Variants in TANC1 observed in about 807,000 individuals in gnomAD.
TANC1 encodes tetratricopeptide repeat, ankyrin repeat and coiled-coil containing 1.
A neutral mutation model predicts 149.7 loss-of-function variants in TANC1; 77 were observed. The ratio of observed to expected loss-of-function variants is 0.51; its 90% CI spans 0.43 to 0.62. The LOEUF is 0.62. TANC1 is among the 20% of genes least tolerant of loss of function. The probability of loss-of-function intolerance (pLI) is 0.00; values close to 1 mark genes in which losing one functional copy is unlikely to be tolerated. For synonymous variants in TANC1, 854 were observed against 925.0 expected, an observed-to-expected ratio of 0.92 and a Z score of 1.39; for missense variants, 1,985 against 2,321.8, an observed-to-expected ratio of 0.85 and a Z score of 2.98.
intron 5 of TANC1, among the ~76,000 whole-genome samples, chr2:159,146,934 TAAAA>T (rs34335455): frequency 1.3e-5 from 2 of 148,414 alleles, no homozygotes; most frequent in African/African-American, 2.5e-5. Context: ...GTTTTTGGAT[TAAAA>T]AAAAAAAATG....
At chr2:159,203,083 T>C (rs558358340) in intron 19 of TANC1, among the ~76,000 whole-genome samples, 5 of 152,180 alleles carry the variant, frequency 3.3e-5, no homozygotes, top group Non-Finnish European at 7.3e-5. Flanking sequence ...GCTCCAGCAC[T>C]TGCCATTCAG....
chr2:159,055,567 A>G (rs1478294858), intron 2 of TANC1, among the ~76,000 whole-genome samples: 4 of 152,200 alleles, frequency 2.6e-5, no homozygotes, highest in Non-Finnish European at 5.9e-5. Flanking sequence ...GAATTGTTCC[A>G]CATCCAAATT....
At chr2:158,976,187 A>G (rs1177871622) in intron 1 of TANC1, among the ~76,000 whole-genome samples, 2 of 152,194 alleles carry the variant, frequency 1.3e-5, no homozygotes, top group African/African-American at 4.8e-5. Flanking sequence ...AGATCATCCA[A>G]TATGGGAGGG....
At chr2:159,033,780 ACAT>A (rs2039968058) in intron 2 of TANC1, among the ~76,000 whole-genome samples, 1 of 152,144 alleles carries the variant, frequency 6.6e-6, no homozygotes, top group East Asian at 1.9e-4. Flanking sequence ...ACATCTGAAA[ACAT>A]CATGATGCTC....
intron 1 of TANC1, among the ~76,000 whole-genome samples, chr2:158,994,270 T>A (rs1431336937): frequency 6.6e-6 from 1 of 152,178 alleles, no homozygotes; most frequent in East Asian, 1.9e-4. Context: ...TTTATTTTAC[T>A]ATTTTTTCTT....
At chr2:159,048,896 G>T (rs919969600) in intron 2 of TANC1, among the ~76,000 whole-genome samples, 4 of 152,196 alleles carry the variant, frequency 2.6e-5, no homozygotes, top group Non-Finnish European at 5.9e-5. Context: ...CTCCCAAAGT[G>T]CTGGGATTAC....
At chr2:159,052,736 C>A (rs994085861) in intron 2 of TANC1, among the ~76,000 whole-genome samples, 1 of 152,184 alleles carries the variant, frequency 6.6e-6, no homozygotes, top group Non-Finnish European at 1.5e-5. Context: ...GGCAACCAAC[C>A]ATGTAAGATC....
intron 3 of TANC1, among the ~76,000 whole-genome samples, chr2:159,079,672 G>T (rs1255642850): frequency 6.6e-6 from 1 of 152,194 alleles, no homozygotes; most frequent in East Asian, 1.9e-4. Context: ...GAAAGGGAAA[G>T]GGTGGGCGGA....
chr2:159,140,400 G>A (rs766389086), intron 5 of TANC1, among the ~76,000 whole-genome samples: 1 of 152,138 alleles, frequency 6.6e-6, no homozygotes, highest in Non-Finnish European at 1.5e-5. Flanking sequence ...TGGAAGTATA[G>A]AAAAGGGGCA....
chr2:159,155,469 A>G (rs1406313085), intron 7 of TANC1, among the ~76,000 whole-genome samples: 3 of 152,156 alleles, frequency 2.0e-5, no homozygotes, highest in East Asian at 1.9e-4. Flanking sequence ...CTTTGGAGAA[A>G]CGGTGCTAGG....
intron 1 of TANC1, among the ~76,000 whole-genome samples, chr2:158,976,860 G>A (rs922187618): frequency 2.6e-5 from 4 of 151,986 alleles, no homozygotes; most frequent in Non-Finnish European, 4.4e-5. Flanking sequence ...TAGCCTCGGC[G>A]GCAGAATGAG....
chr2:158,976,176 T>C (rs939221709), intron 1 of TANC1, among the ~76,000 whole-genome samples: 3 of 152,240 alleles, frequency 2.0e-5, no homozygotes, highest in African/African-American at 7.2e-5. Flanking sequence ...TGGAGTGTGC[T>C]AGATCATCCA....
intron 3 of TANC1, among the ~76,000 whole-genome samples, chr2:159,090,794 G>T (rs1427787224): frequency 6.6e-6 from 1 of 152,240 alleles, no homozygotes; most frequent in Non-Finnish European, 1.5e-5. Flanking sequence ...CCCAAATGCT[G>T]CAAGAGTTAA....
rs1418153972 is a variant in TANC1, at chr2:159,196,497, ACCCCAT to A, written c.2980-110_2980-105del. 7.2e-6 allele frequency: 6 copies of A among 834,682 alleles called. No individual in the cohort carries two copies. In the Admixed American group the frequency reaches 1.8e-4, roughly 25 times the overall value. 51.7% of individuals were successfully genotyped at this position (834,682 alleles called of 1,614,324 possible). A position where few individuals can be genotyped will look rare whatever the true frequency, so the allele number is the denominator to read the frequency against. Reference sequence around the variant, plus strand: ...TCCAGAAAGACAAGTTGGAATGTGAACCCCATGTACGCTTACAGGGAGTGGGGTTTG... The same window carrying A: ...TCCAGAAAGACAAGTTGGAATGTGAAGTACGCTTACAGGGAGTGGGGTTTG... On this transcript the variant is annotated intron_variant, in intron 17 of 26. Transcript: ENST00000263635.
At chr2:159,184,771 G>T (rs1016989860) in intron 14 of TANC1, among the ~76,000 whole-genome samples, 2 of 152,190 alleles carry the variant, frequency 1.3e-5, no homozygotes, top group East Asian at 3.8e-4. Context: ...GCATGTGCTC[G>T]TGGGAAAACT....
intron 4 of TANC1, among the ~76,000 whole-genome samples, chr2:159,120,936 A>C (rs937126855): frequency 2.6e-5 from 4 of 152,124 alleles, no homozygotes; most frequent in African/African-American, 9.7e-5. Context: ...GTTGAGGCCC[A>C]CCTAGATAAG....
At chr2:159,013,939 A>G (rs2038019549) in intron 2 of TANC1, among the ~76,000 whole-genome samples, 1 of 152,166 alleles carries the variant, frequency 6.6e-6, no homozygotes, top group African/African-American at 2.4e-5. Flanking sequence ...GTAGAGGGCC[A>G]TCTTCTCCCT....
At chr2:159,095,465 G>A (rs967577969) in intron 3 of TANC1, among the ~76,000 whole-genome samples, 6 of 152,182 alleles carry the variant, frequency 3.9e-5, no homozygotes, top group Middle Eastern at 3.4e-3. Context: ...CTGGCCAGGC[G>A]CTGTGGCTCA....
intron 18 of TANC1, among the ~76,000 whole-genome samples, chr2:159,197,360 G>A (rs913091007): frequency 6.6e-6 from 1 of 152,178 alleles, no homozygotes; most frequent in Non-Finnish European, 1.5e-5. Context: ...CTCCTGACCT[G>A]TGTGTCTTGG....
Sources: allele counts gnomAD v4.1 joint callset (sites outside exome capture counted in the v4.1 genomes callset), GRCh38; gene constraint gnomAD v4.1.1; transcripts MANE v1.5; gene names NCBI Gene and HGNC (gene_info 2026-07-23, HGNC 2026-07-21).